SPTLC3: variants seen among roughly 807,000 people sequenced by gnomAD.
The protein encoded by SPTLC3 is serine palmitoyltransferase long chain base subunit 3, also known as serine palmitoyltransferase 3.
In SPTLC3, 36 loss-of-function variants were observed where a neutral mutation model predicts 59.3. The ratio of observed to expected loss-of-function variants is 0.61; its 90% confidence interval spans 0.47 to 0.80. The LOEUF (loss-of-function observed/expected upper bound fraction) is 0.80. Ranked by LOEUF, SPTLC3 falls within the 30% of genes least tolerant of loss-of-function variation. The pLI, the probability that SPTLC3 is intolerant of heterozygous loss-of-function variation, is 0.00. For synonymous variants in SPTLC3, 257 were observed against 240.8 expected (o/e 1.07, Z -0.62); for missense variants, 625 against 685.1 (o/e 0.91, Z 0.98).
intron 8 of SPTLC3, among the ~76,000 whole-genome samples, chr20:13,122,164 T>C (rs2037881590): frequency 6.6e-6 from 1 of 152,186 alleles, no homozygotes; most frequent in African/African-American, 2.4e-5. Context: ...GGTCAATATT[T>C]AGCAGGCCAC....
chr20:13,066,105 T>G (rs1175334413), intron 2 of SPTLC3, among the ~76,000 whole-genome samples: 2 of 152,250 alleles, frequency 1.3e-5, no homozygotes, highest in Admixed American at 1.3e-4. Context: ...ACCATTCTAC[T>G]CTCTGCTCCT....
At position 13,072,610 on chromosome 20, in the gene SPTLC3, G is replaced by A. The variant is rs950202937; in HGVS notation, c.458+200G>A. ...AAGCAGCTGCCAGAGTGGCTTTTTT[G>A]TATTGTAATTAACCTAAGACCTGGG... On this transcript the variant is annotated intron_variant, in intron 3 of 11. Transcript: ENST00000399002. 9.2e-5 allele frequency among the ~76,000 whole-genome samples: 14 copies of A among 151,926 alleles called. No individual in the cohort carries two copies. The South Asian group carries it at 1.7e-3, about 18-fold the overall frequency.
At chr20:13,029,933 T>G (rs932912072) in intron 1 of SPTLC3, among the ~76,000 whole-genome samples, 1 of 152,168 alleles carries the variant, frequency 6.6e-6, no homozygotes, top group Non-Finnish European at 1.5e-5. Flanking sequence ...CTTCTACATG[T>G]GGCTGAATAG....
In SPTLC3 at chr20:13,164,744, C is replaced by A. The variant is rs1348603079; in HGVS notation, c.1546-10C>A. Reference sequence around the variant, plus strand: ...TCAATGATAGCTATTGGAAAGCAATCTCATTGCAGGTTTTAGAAGCTCTTG... The same window carrying A: ...TCAATGATAGCTATTGGAAAGCAATATCATTGCAGGTTTTAGAAGCTCTTG... On this transcript the variant is annotated splice_polypyrimidine_tract_variant and intron_variant, in intron 11 of 11. Coordinates refer to ENST00000399002, the MANE Select transcript of SPTLC3 (RefSeq NM_018327.4). 7 of 1,607,362 alleles carry A rather than the reference C, an allele frequency of 4.4e-6. No individual in the cohort carries two copies. The highest frequency in any genetic ancestry group is 1.7e-5 in the Admixed American group (1 of 59,832).
rs1181634673 is a variant in SPTLC3 at position 13,080,423 on chromosome 20, G to T, written c.607+5926G>T. Among the ~76,000 whole-genome samples, 4 of 150,508 alleles carry T rather than the reference G, an allele frequency of 2.7e-5. No individual in the cohort carries two copies. The Admixed American group carries it at 2.7e-4, about 10-fold the overall frequency. Reference sequence around the variant, plus strand: ...CTTGGGAGGCTGAGGCAGGAAAATCGCTTGAACCCGGGAGTCAGAGGTTGC... The same window carrying T: ...CTTGGGAGGCTGAGGCAGGAAAATCTCTTGAACCCGGGAGTCAGAGGTTGC... On this transcript the variant is annotated intron_variant, in intron 4 of 11. Coordinates refer to ENST00000399002, the MANE Select transcript of SPTLC3 (RefSeq NM_018327.4).
At chr20:13,096,132 A>C (rs949308871) in intron 6 of SPTLC3, among the ~76,000 whole-genome samples, 1 of 152,202 alleles carries the variant, frequency 6.6e-6, no homozygotes, top group Admixed American at 6.5e-5. Context: ...ACCAAATGTT[A>C]GCAAGGCTAT....
chr20:13,101,331 G>A (rs1240530053), intron 6 of SPTLC3, among the ~76,000 whole-genome samples: 1 of 152,200 alleles, frequency 6.6e-6, no homozygotes, highest in Non-Finnish European at 1.5e-5. Flanking sequence ...ACCACTAGCT[G>A]AGTCCAGCTA....
intron 4 of SPTLC3, among the ~76,000 whole-genome samples, chr20:13,084,587 A>C (rs553945530): frequency 7.0e-6 from 1 of 142,984 alleles, no homozygotes; most frequent in Non-Finnish European, 1.6e-5. Context: ...AACCTCAAAA[A>C]CTTGGATGAC....
At chr20:13,103,110 A>G (rs749124145) in intron 6 of SPTLC3, among the ~76,000 whole-genome samples, 7 of 152,236 alleles carry the variant, frequency 4.6e-5, no homozygotes, top group Non-Finnish European at 7.3e-5. Flanking sequence ...GTCCTTGCAC[A>G]ATCTGCTTTA....
chr20:13,026,182 T>G (rs1293317771), intron 1 of SPTLC3, among the ~76,000 whole-genome samples: 3 of 152,222 alleles, frequency 2.0e-5, no homozygotes, highest in Admixed American at 1.3e-4. Flanking sequence ...AGTGCTAAAA[T>G]GAACATATAT....
intron 1 of SPTLC3, among the ~76,000 whole-genome samples, chr20:13,024,594 C>T (rs1178261599): frequency 6.6e-6 from 1 of 152,132 alleles, no homozygotes; most frequent in Non-Finnish European, 1.5e-5. Flanking sequence ...GAGTTTTGAC[C>T]TGCATTGGCT....
At chr20:13,052,169 T>A (rs1467358063) in intron 2 of SPTLC3, among the ~76,000 whole-genome samples, 1 of 151,922 alleles carries the variant, frequency 6.6e-6, no homozygotes. Flanking sequence ...CCAACTGAGG[T>A]ACGGGGCTCA....
chr20:13,086,743 T>C (rs143769920), intron 4 of SPTLC3, among the ~76,000 whole-genome samples: 229 of 152,188 alleles, frequency 1.5e-3, no homozygotes, highest in African/African-American at 5.3e-3. Flanking sequence ...ACACCTACAT[T>C]TCCTTTTTCT....
chr20:13,064,178 A>T (rs922589678), intron 2 of SPTLC3, among the ~76,000 whole-genome samples: 1 of 149,994 alleles, frequency 6.7e-6, no homozygotes, highest in Non-Finnish European at 1.5e-5. Context: ...TACAGGCATG[A>T]GCCACCGCAC....
intron 7 of SPTLC3, 40 bp downstream of exon 7, chr20:13,110,257 T>C: frequency 6.4e-7 from 1 of 1,551,384 alleles, no homozygotes; most frequent in Non-Finnish European, 8.9e-7. Context: ...CTCGGAGGCC[T>C]GCAGCAAGCT....
intron 1 of SPTLC3, among the ~76,000 whole-genome samples, chr20:13,011,583 C>A (rs556753911): frequency 6.6e-6 from 1 of 152,278 alleles, no homozygotes; most frequent in East Asian, 1.9e-4. Flanking sequence ...GTCCTCCTTC[C>A]CCCTGGTCCA....
chr20:13,021,467 C>T (rs1168808298), intron 1 of SPTLC3, among the ~76,000 whole-genome samples: 1 of 152,108 alleles, frequency 6.6e-6, no homozygotes, highest in Non-Finnish European at 1.5e-5. Context: ...AAACAACCTT[C>T]CTCTCAGTCT....
chr20:13,065,265 G>GTTTT (rs34809007), intron 2 of SPTLC3, among the ~76,000 whole-genome samples: 1 of 138,232 alleles, frequency 7.2e-6, no homozygotes, highest in African/African-American at 2.7e-5. Context: ...ATTTGTTAGA[G>GTTTT]TTTTTTTTTT....
chr20:13,067,992 A>G (rs1988289932), intron 2 of SPTLC3, among the ~76,000 whole-genome samples: 1 of 152,228 alleles, frequency 6.6e-6, no homozygotes, highest in Non-Finnish European at 1.5e-5. Context: ...TCATACAAGC[A>G]TCAAGCCTTG....
Sources: allele counts gnomAD v4.1 joint callset (sites outside exome capture counted in the v4.1 genomes callset), GRCh38; gene constraint gnomAD v4.1.1; transcripts MANE v1.5; gene names NCBI Gene and HGNC (gene_info 2026-07-23, HGNC 2026-07-21).